Variants in ELF2 observed in about 807,000 individuals in gnomAD.
ELF2 encodes the protein E74 like ETS transcription factor 2, also known as ETS-related transcription factor Elf-2.
ELF2 carries 11 observed loss-of-function variants against 54.8 expected under a neutral mutation model. That is an observed-to-expected ratio of 0.20 (90% CI 0.13 to 0.33). The LOEUF is 0.33. Among genes scored for constraint, ELF2 ranks in the 10% least tolerant of loss-of-function variants. ELF2 has a pLI of 1.00. For missense variants in ELF2, 513 were observed against 703.0 expected, an observed-to-expected ratio of 0.73 and a Z score of 3.06; for synonymous variants, 203 against 245.1, an observed-to-expected ratio of 0.83 and a Z score of 1.61.
chr4:139,130,148 C>T (rs1344363752), intron 3 of ELF2, among the ~76,000 whole-genome samples: 1 of 151,902 alleles, frequency 6.6e-6, no homozygotes, highest in Non-Finnish European at 1.5e-5. Flanking sequence ...ACACCATCTA[C>T]AAGCCAAGGA....
chr4:139,142,718 T>G (rs1216540682), intron 1 of ELF2, among the ~76,000 whole-genome samples: 4 of 151,978 alleles, frequency 2.6e-5, no homozygotes, highest in Non-Finnish European at 5.9e-5. Context: ...GAGTGGTAGT[T>G]CTGGAGGTAG....
At chr4:139,162,020 G>T (rs181444874) in intron 1 of ELF2, among the ~76,000 whole-genome samples, 10 of 152,120 alleles carry the variant, frequency 6.6e-5, no homozygotes, top group Non-Finnish European at 4.4e-5. Flanking sequence ...CTTGAACCCG[G>T]GAGGCGGAGG....
rs1442875137 is a variant in ELF2, at chr4:139,057,478, TA to T, written c.*1504del. The T allele has an allele frequency of 6.6e-6, 1 of 152,232 alleles. No homozygotes were observed. The highest frequency in any genetic ancestry group is 1.5e-5 in the Non-Finnish European group (1 of 68,030). 9.4% of individuals were successfully genotyped at this position (152,232 alleles called of 1,614,324 possible). On this transcript the variant is annotated 3_prime_UTR_variant, in exon 10 of 10. Transcript: ENST00000686138. Reference sequence around the variant, plus strand: ...TAAGATATGGAGTGACAGACAGTAGTAAAATTACATAGTTTATGTAATCCTT... The same window carrying T: ...TAAGATATGGAGTGACAGACAGTAGTAAATTACATAGTTTATGTAATCCTT...
At chr4:139,150,107 A>C (rs1276752198) in intron 1 of ELF2, among the ~76,000 whole-genome samples, 1 of 152,128 alleles carries the variant, frequency 6.6e-6, no homozygotes, top group Non-Finnish European at 1.5e-5. Context: ...TGGGAGGCCG[A>C]AGCAGGTGGC....
intron 3 of ELF2, among the ~76,000 whole-genome samples, chr4:139,131,969 T>C (rs928403742): frequency 7.2e-5 from 11 of 152,140 alleles, no homozygotes; most frequent in Non-Finnish European, 1.0e-4. Context: ...AAATGAGCCA[T>C]AGAATAGTAC....
At chr4:139,168,832 C>T (rs558441495) in intron 1 of ELF2, among the ~76,000 whole-genome samples, 6 of 152,018 alleles carry the variant, frequency 3.9e-5, no homozygotes, top group East Asian at 1.9e-4. Flanking sequence ...CCTCCCAAAG[C>T]GCCAGGATTA....
At chr4:139,148,298 T>G (rs2148879010) in intron 1 of ELF2, among the ~76,000 whole-genome samples, 1 of 144,122 alleles carries the variant, frequency 6.9e-6, no homozygotes, top group African/African-American at 2.6e-5. Flanking sequence ...TACAGACAGG[T>G]GAAGTCATAC....
Position 139,057,847 on chromosome 4 carries a change from G to C in ELF2, c.*1136C>G, listed in dbSNP as rs916490824. ...AAATATTGTTTAAAATATCACCAGA[G>C]ACCAAAACAGAAGATAAATTTCATT... On this transcript the variant is annotated 3_prime_UTR_variant, in exon 10 of 10. Coordinates refer to ENST00000686138, the MANE Select transcript of ELF2 (RefSeq NM_001331036.3). The C allele has an allele frequency of 4.6e-5, 7 of 152,474 alleles. No homozygotes were observed. Among genetic ancestry groups the C allele is most frequent in the African/African-American group, 1.7e-4 (7 of 41,388 alleles). 9.4% of individuals were successfully genotyped at this position (152,474 alleles called of 1,614,324 possible).
At chr4:139,147,772 C>A (rs1216739857) in intron 1 of ELF2, among the ~76,000 whole-genome samples, 3 of 150,758 alleles carry the variant, frequency 2.0e-5, no homozygotes, top group African/African-American at 4.9e-5. Flanking sequence ...CGGCACCCAG[C>A]CAGAGATTTT....
intron 7 of ELF2, among the ~76,000 whole-genome samples, chr4:139,065,651 AATTAC>A (rs1319186181): frequency 6.6e-6 from 1 of 152,194 alleles, no homozygotes; most frequent in Non-Finnish European, 1.5e-5. Flanking sequence ...AGCTTCAATT[AATTAC>A]ATTATAACAC....
intron 1 of ELF2, among the ~76,000 whole-genome samples, chr4:139,145,264 T>C (rs1408485808): frequency 1.3e-5 from 2 of 152,212 alleles, no homozygotes; most frequent in Non-Finnish European, 2.9e-5. Flanking sequence ...CTACGGCTAT[T>C]TACAACCAAG....
chr4:139,160,056 G>A (rs967648298), intron 1 of ELF2, among the ~76,000 whole-genome samples: 5 of 152,222 alleles, frequency 3.3e-5, no homozygotes, highest in African/African-American at 9.6e-5. Context: ...ATAGCCTGCA[G>A]GCCAGGCGCA....
Position 139,058,720 on chromosome 4 carries a change from T to C in ELF2, c.*263A>G, listed in dbSNP as rs1362141198. The C allele has an allele frequency of 1.0e-5, 4 of 396,548 alleles. No individual in the cohort carries two copies. The highest frequency in any genetic ancestry group is 9.0e-6 in the Non-Finnish European group (2 of 222,236). The allele number at this position is 396,548 out of a possible 1,614,324, so 24.6% of individuals were successfully genotyped here. On this transcript the variant is annotated 3_prime_UTR_variant, in exon 10 of 10. Transcript: ENST00000686138. Reference sequence around the variant, plus strand: ...GTAACTTGATATCGTAGTGAGCTGCTTGGTCCCTTTCGATCCTTTTTCTTA... The same window carrying C: ...GTAACTTGATATCGTAGTGAGCTGCCTGGTCCCTTTCGATCCTTTTTCTTA...
rs1395234710 is a variant in ELF2, at chr4:139,063,853, A to G, written c.614-1796T>C. On this transcript the variant is annotated intron_variant, in intron 7 of 9. Coordinates refer to ENST00000686138, the MANE Select transcript of ELF2 (RefSeq NM_001331036.3). ...AAAAGAACAAAAAGGAATCTGGGCAAGTAAAAAAAAAAAACTTAATCCCAA... is the reference window on the plus strand; with the variant it reads ...AAAAGAACAAAAAGGAATCTGGGCAGGTAAAAAAAAAAAACTTAATCCCAA... 1.3e-4 allele frequency among the ~76,000 whole-genome samples: 20 copies of G among 152,032 alleles called. No homozygotes were observed. In the Admixed American group the frequency reaches 1.3e-3, roughly 10 times the overall value.
chr4:139,151,033 AAAG>A (rs1212396787), intron 1 of ELF2, among the ~76,000 whole-genome samples: 2,518 of 28,456 alleles, frequency 0.088, 50 homozygotes, highest in East Asian at 0.21. Flanking sequence ...CAAAAAAAAA[AAAG>A]AAAGAAAGAA....
chr4:139,147,540 C>T (rs188704459), intron 1 of ELF2, among the ~76,000 whole-genome samples: 159 of 152,286 alleles, frequency 1.0e-3, no homozygotes, highest in Non-Finnish European at 1.8e-3. Context: ...GGCGCGATCT[C>T]GGCTCACGGC....
At chr4:139,067,578 T>G (rs746396839) in intron 7 of ELF2, 106 bp downstream of exon 7, 66 of 1,139,416 alleles carry the variant, frequency 5.8e-5, no homozygotes, top group Non-Finnish European at 8.0e-5. Flanking sequence ...CCAGCGACAG[T>G]ATTCTCATAT....
chr4:139,170,716 C>CATTATATTATATTATATTATATTAT (rs56747979), intron 1 of ELF2, among the ~76,000 whole-genome samples: 1 of 142,732 alleles, frequency 7.0e-6, no homozygotes, highest in African/African-American at 2.6e-5. Context: ...TATTACATTA[C>CATTATATTATATTATATTATATTAT]ATTATATTAT....
chr4:139,073,809 G>A (rs2148700790), intron 4 of ELF2: 1 of 216,410 alleles, frequency 4.6e-6, no homozygotes, highest in Non-Finnish European at 9.0e-6. Flanking sequence ...TATTGATTAT[G>A]AAGTAACCAA....
Sources: gnomAD v4.1 joint callset for allele counts (sites outside exome capture counted in the v4.1 genomes callset) on GRCh38, gnomAD v4.1.1 for gene constraint, MANE v1.5 for transcripts, NCBI Gene and HGNC (gene_info 2026-07-23, HGNC 2026-07-21) for gene names.